Variants in SRGAP2C observed in about 807,000 individuals in gnomAD.
SRGAP2C encodes the protein SLIT-ROBO Rho GTPase activating protein 2C, also known as SLIT-ROBO Rho GTPase-activating protein 2C.
Under a neutral mutation model 25.1 loss-of-function variants are expected in SRGAP2C, and 15 were observed. The observed-to-expected ratio is 0.60, with a 90% CI of 0.40 to 0.92. The LOEUF (loss-of-function observed/expected upper bound fraction) is 0.92, where lower values mean the gene tolerates loss of function less well. Ranked by LOEUF, SRGAP2C falls within the 40% of genes least tolerant of loss-of-function variation. SRGAP2C has a pLI of 0.00. For missense variants in SRGAP2C, 144 were observed against 264.4 expected (o/e 0.54, Z 3.16); for synonymous variants, 44 against 96.6 (o/e 0.46, Z 3.19).
At chr1:121,303,944 C>T (rs1202748307) in intron 3 of SRGAP2C, among the ~76,000 whole-genome samples, 8 of 146,492 alleles carry the variant, frequency 5.5e-5, no homozygotes, top group African/African-American at 2.0e-4. Context: ...ATGGCTCACA[C>T]CTGTAATCCC....
intron 4 of SRGAP2C, among the ~76,000 whole-genome samples, chr1:121,362,423 C>T (rs1659216369): frequency 6.6e-6 from 1 of 152,098 alleles, no homozygotes; most frequent in African/African-American, 2.4e-5. Flanking sequence ...TTGAGTGGTC[C>T]TCCCAACTAA....
intron 2 of SRGAP2C, among the ~76,000 whole-genome samples, chr1:121,273,718 A>C (rs1412927213): frequency 2.6e-5 from 4 of 151,862 alleles, no homozygotes; most frequent in African/African-American, 7.2e-5. Context: ...AAGGAGGGAA[A>C]ATATTTCATT....
intron 3 of SRGAP2C, among the ~76,000 whole-genome samples, chr1:121,289,369 G>A (rs1276653454): frequency 4.2e-4 from 64 of 151,856 alleles, no homozygotes; most frequent in African/African-American, 1.4e-3. Flanking sequence ...CCCATTGCCC[G>A]GGGCCAGCAG....
At chr1:121,191,491 G>C (rs1394909576) in intron 2 of SRGAP2C, among the ~76,000 whole-genome samples, 1 of 149,590 alleles carries the variant, frequency 6.7e-6, no homozygotes, top group Non-Finnish European at 1.5e-5. Flanking sequence ...GGAACCTGCA[G>C]GTATGGGGAG....
chr1:121,370,523 G>C (rs1360354356), intron 5 of SRGAP2C, among the ~76,000 whole-genome samples: 4 of 134,870 alleles, frequency 3.0e-5, no homozygotes, highest in Non-Finnish European at 6.3e-5. Flanking sequence ...CTCACTGCAA[G>C]CTCCACCTCC....
chr1:121,343,266 C>T (rs1658671716), intron 4 of SRGAP2C, among the ~76,000 whole-genome samples: 2 of 152,036 alleles, frequency 1.3e-5, no homozygotes, highest in South Asian at 4.1e-4. Flanking sequence ...GGCAGTCTGT[C>T]TCAAGCTGCA....
At chr1:121,267,380 T>C (rs587640030) in intron 2 of SRGAP2C, among the ~76,000 whole-genome samples, 1 of 150,946 alleles carries the variant, frequency 6.6e-6, no homozygotes, top group African/African-American at 2.4e-5. Flanking sequence ...TTAGTAGAGA[T>C]GGGGTTCTGC....
chr1:121,278,226 G>T (rs1657158315), intron 2 of SRGAP2C, among the ~76,000 whole-genome samples: 1 of 151,764 alleles, frequency 6.6e-6, no homozygotes, highest in South Asian at 2.1e-4. Context: ...GGATTACAGG[G>T]GTGAGCCACT....
chr1:121,328,119 A>T (rs1255904290), intron 4 of SRGAP2C, among the ~76,000 whole-genome samples: 1 of 152,084 alleles, frequency 6.6e-6, no homozygotes, highest in Non-Finnish European at 1.5e-5. Flanking sequence ...GCTTAAGCAA[A>T]TGAAGACCAG....
chr1:121,276,267 C>T (rs1218191613), intron 2 of SRGAP2C, among the ~76,000 whole-genome samples: 28 of 150,596 alleles, frequency 1.9e-4, no homozygotes, highest in Admixed American at 1.8e-3. Flanking sequence ...CATAGGACTA[C>T]ATCCAGCAGA....
At chr1:121,232,013 G>GT (rs1655834149) in intron 2 of SRGAP2C, among the ~76,000 whole-genome samples, 1 of 36,092 alleles carries the variant, frequency 2.8e-5, no homozygotes, top group Non-Finnish European at 5.1e-5. Context: ...CAGGAGATGT[G>GT]TAGGGTGGAA....
intron 4 of SRGAP2C, among the ~76,000 whole-genome samples, chr1:121,339,056 A>G (rs1224386537): frequency 1.3e-5 from 2 of 151,952 alleles, no homozygotes; most frequent in Non-Finnish European, 1.5e-5. Flanking sequence ...TCTTTTTTAT[A>G]CACATTTTTT....
chr1:121,263,363 G>A (rs782034509), intron 2 of SRGAP2C, among the ~76,000 whole-genome samples: 8 of 148,010 alleles, frequency 5.4e-5, no homozygotes, highest in Admixed American at 1.4e-4. Flanking sequence ...CCCGGGAGGC[G>A]GTGCTTGCGG....
chr1:121,329,703 G>A (rs1295533951), intron 4 of SRGAP2C, among the ~76,000 whole-genome samples: 1 of 148,852 alleles, frequency 6.7e-6, no homozygotes, highest in Non-Finnish European at 1.5e-5. Context: ...CCTTAAGGGA[G>A]GCTCCTTGCT....
intron 3 of SRGAP2C, chr1:121,314,807 G>A: frequency 2.2e-6 from 1 of 450,874 alleles, no homozygotes; most frequent in Non-Finnish European, 4.2e-6. Flanking sequence ...CTGCCTGCTG[G>A]GAGAACCACT....
chr1:121,329,993 G>A (rs2101616421), intron 4 of SRGAP2C, among the ~76,000 whole-genome samples: 1 of 148,164 alleles, frequency 6.7e-6, no homozygotes, highest in South Asian at 2.3e-4. Context: ...TTAATGCGGT[G>A]GCTTCAAAAA....
intron 2 of SRGAP2C, among the ~76,000 whole-genome samples, chr1:121,277,321 TCA>T (rs1657128042): frequency 6.6e-6 from 1 of 151,972 alleles, no homozygotes; most frequent in South Asian, 2.1e-4. Flanking sequence ...TCAGAAATCC[TCA>T]CTTTATCCAT....
In SRGAP2C at chr1:121,391,991, GT is replaced by G. The variant is rs1660106317; in HGVS notation, c.*4137del. ...AAGGAATCAGAAAAAATATTAAAAAGTAGGAATATCAGCAAAGAGATAACAA... is the reference window on the plus strand; with the variant it reads ...AAGGAATCAGAAAAAATATTAAAAAGAGGAATATCAGCAAAGAGATAACAA... On this transcript the variant is annotated 3_prime_UTR_variant, in exon 10 of 10. Transcript: ENST00000367123. The G allele has an allele frequency of 6.6e-6, 1 of 152,256 alleles. No homozygotes were observed. Among genetic ancestry groups the G allele is most frequent in the African/African-American group, 2.4e-5 (1 of 41,472 alleles). The allele number at this position is 152,256 out of a possible 1,614,324, so 9.4% of individuals were successfully genotyped here.
intron 2 of SRGAP2C, among the ~76,000 whole-genome samples, chr1:121,277,199 A>G (rs1241897782): frequency 7.2e-6 from 1 of 138,424 alleles, no homozygotes; most frequent in African/African-American, 2.7e-5. Flanking sequence ...ATATAATTAT[A>G]TATCTTGTGC....
Sources: allele counts gnomAD v4.1 joint callset (sites outside exome capture counted in the v4.1 genomes callset), GRCh38; gene constraint gnomAD v4.1.1; transcripts MANE v1.5; gene names NCBI Gene and HGNC (gene_info 2026-07-23, HGNC 2026-07-21).